The following TENM1 variants were observed in gnomAD, a reference collection of about 807,000 sequenced individuals.
The protein encoded by TENM1 is teneurin-1.
A neutral mutation model predicts 174.8 loss-of-function variants in TENM1; 35 were observed. The observed-to-expected ratio is 0.20, with a 90% CI of 0.15 to 0.27. The LOEUF (loss-of-function observed/expected upper bound fraction) is 0.27, where lower values mean the gene tolerates loss of function less well. TENM1 is among the 10% of genes least tolerant of loss of function. TENM1 has a pLI of 1.00. For synonymous variants in TENM1, 781 were observed against 798.7 expected (o/e 0.98, Z 0.37); for missense variants, 1,633 against 2,130.1 (o/e 0.77, Z 4.59).
chrX:124,933,223 T>C (rs746658277), intron 1 of TENM1, among the ~76,000 whole-genome samples: 42 of 111,796 alleles, frequency 3.8e-4, no homozygotes, highest in Non-Finnish European at 6.6e-4. Flanking sequence ...GTATTTCACC[T>C]TTTTCAGCTC....
At chrX:125,110,628 C>T in the TENM1 span, among the ~76,000 whole-genome samples, 7 of 110,270 alleles carry the variant, frequency 6.3e-5, no homozygotes, top group Non-Finnish European at 1.9e-5. Flanking sequence ...CAGCATAAGT[C>T]CCATCCAATT....
At chrX:124,531,350 C>G (rs1451949270) in intron 15 of TENM1, among the ~76,000 whole-genome samples, 1 of 109,981 alleles carries the variant, frequency 9.1e-6, no homozygotes, top group Non-Finnish European at 1.9e-5. Context: ...AAGTAAAACA[C>G]CTTTGAATAA....
At chrX:125,061,259 G>A in the TENM1 span, among the ~76,000 whole-genome samples, 1 of 111,220 alleles carries the variant, frequency 9.0e-6, no homozygotes, top group Non-Finnish European at 1.9e-5. Context: ...CCAGATATTT[G>A]CTGAGTACTT....
chrX:125,116,708 G>A, the TENM1 span, among the ~76,000 whole-genome samples: 5 of 112,093 alleles, frequency 4.5e-5, no homozygotes, highest in African/African-American at 9.7e-5. Flanking sequence ...TTAGAATGGC[G>A]ATCATTAAAA....
intron 1 of TENM1, among the ~76,000 whole-genome samples, chrX:124,957,322 A>T (rs1211779957): frequency 9.0e-6 from 1 of 110,825 alleles, no homozygotes; most frequent in Non-Finnish European, 1.9e-5. Flanking sequence ...GGTGGCTCAC[A>T]CCTGTAATCC....
intron 23 of TENM1, among the ~76,000 whole-genome samples, chrX:124,439,614 A>C (rs2060882178): frequency 9.0e-6 from 1 of 111,566 alleles, no homozygotes; most frequent in East Asian, 2.8e-4. Context: ...CTACAGACAG[A>C]TATATGCCTC....
chrX:125,050,310 C>A, the TENM1 span, among the ~76,000 whole-genome samples: 1 of 109,617 alleles, frequency 9.1e-6, no homozygotes, highest in Non-Finnish European at 1.9e-5. Flanking sequence ...ATCCCTCCCC[C>A]CTGCCCCCAC....
the TENM1 span, among the ~76,000 whole-genome samples, chrX:125,101,342 CA>C: frequency 9.0e-6 from 1 of 111,360 alleles, no homozygotes; most frequent in African/African-American, 3.3e-5. Flanking sequence ...ACTGATATTC[CA>C]CAGGAAACAC....
intron 13 of TENM1, 68 bp downstream of exon 16, chrX:124,563,681 T>C: frequency 1.1e-6 from 1 of 909,010 alleles, no homozygotes; most frequent in South Asian, 2.7e-5. Flanking sequence ...CGCTACCCTT[T>C]CTTTCTTACA....
intron 3 of TENM1, among the ~76,000 whole-genome samples, chrX:124,873,003 T>A (rs1196539229): frequency 2.7e-5 from 3 of 111,549 alleles, no homozygotes; most frequent in Non-Finnish European, 5.7e-5. Flanking sequence ...CATACAAAGC[T>A]ACGTTAAAGA....
the TENM1 span, among the ~76,000 whole-genome samples, chrX:125,073,354 C>T: frequency 1.8e-5 from 2 of 111,161 alleles, no homozygotes; most frequent in Non-Finnish European, 3.8e-5. Context: ...ATATCACTTA[C>T]TTACTTTGCT....
At chrX:125,063,488 C>A in the TENM1 span, among the ~76,000 whole-genome samples, 9 of 111,589 alleles carry the variant, frequency 8.1e-5, no homozygotes, top group Admixed American at 1.9e-4. Context: ...ACCCCATCAA[C>A]AAGTGGGCGA....
At chrX:124,669,265 G>T (rs1173323688) in intron 6 of TENM1, among the ~76,000 whole-genome samples, 3 of 111,630 alleles carry the variant, frequency 2.7e-5, no homozygotes, top group Non-Finnish European at 5.6e-5. Flanking sequence ...GAGAGATAAT[G>T]ATGGTACAGT....
chrX:124,673,759 G>A (rs1327593781), intron 5 of TENM1, among the ~76,000 whole-genome samples: 2 of 111,042 alleles, frequency 1.8e-5, no homozygotes, highest in Non-Finnish European at 3.8e-5. Flanking sequence ...CTCTGTCTCT[G>A]TGTGTGTTTG....
chrX:124,597,483 C>T (rs978303782), intron 11 of TENM1, among the ~76,000 whole-genome samples: 6 of 110,583 alleles, frequency 5.4e-5, no homozygotes, highest in East Asian at 2.8e-4. Context: ...AGGATGCAAA[C>T]GCACAAGAAT....
At chrX:124,459,303 C>G (rs181521285) in intron 22 of TENM1, among the ~76,000 whole-genome samples, 2 of 111,467 alleles carry the variant, frequency 1.8e-5, no homozygotes, top group East Asian at 2.8e-4. Flanking sequence ...TTTCCATTTG[C>G]CGAGAACACT....
chrX:124,804,400 C>T (rs1009502492), intron 3 of TENM1, among the ~76,000 whole-genome samples: 11 of 111,936 alleles, frequency 9.8e-5, no homozygotes, highest in Non-Finnish European at 1.7e-4. Context: ...CCTATAATAA[C>T]GGCCCAGTTC....
At chrX:125,192,003 G>T in the TENM1 span, among the ~76,000 whole-genome samples, 15 of 110,274 alleles carry the variant, frequency 1.4e-4, no homozygotes, top group South Asian at 5.9e-3. Flanking sequence ...CTTCCCTCTG[G>T]AGGACACAGC....
chrX:124,657,787 C>T (rs1051349281), intron 6 of TENM1, among the ~76,000 whole-genome samples: 1 of 111,580 alleles, frequency 9.0e-6, no homozygotes, highest in East Asian at 2.8e-4. Flanking sequence ...TGGTATAGCC[C>T]ATAACAGCAA....
Sources: gnomAD v4.1 joint callset for allele counts (sites outside exome capture counted in the v4.1 genomes callset) on GRCh38, gnomAD v4.1.1 for gene constraint, MANE v1.5 for transcripts, NCBI Gene and HGNC (gene_info 2026-07-23, HGNC 2026-07-21) for gene names.